The following CNGB1 variants were observed in gnomAD, a reference collection of about 807,000 sequenced individuals.
CNGB1 encodes the protein cyclic nucleotide gated channel subunit beta 1, also known as cyclic nucleotide-gated channel beta-1.
A neutral mutation model predicts 151.7 loss-of-function variants in CNGB1; 126 were observed. The ratio of observed to expected loss-of-function variants is 0.83; its 90% CI spans 0.72 to 0.96. The LOEUF is 0.96. Ranked by LOEUF, CNGB1 falls within the 40% of genes least tolerant of loss-of-function variation. CNGB1 has a pLI of 0.00. For missense variants in CNGB1, 1,698 were observed against 1,627.0 expected (o/e 1.04, Z -0.75); for synonymous variants, 623 against 635.1 (o/e 0.98, Z 0.29).
rs1257060892 is a variant in CNGB1 at position 57,904,631 on chromosome 16, G to C, written c.2634+103C>G. The C allele has an allele frequency of 3.9e-6, 6 of 1,531,030 alleles. No individual in the cohort carries two copies. The African/African-American group carries it at 5.5e-5, about 14-fold the overall frequency. 94.8% of individuals were successfully genotyped at this position (1,531,030 alleles called of 1,614,324 possible). On this transcript the variant is annotated intron_variant, in intron 26 of 32. Coordinates refer to ENST00000251102, the MANE Select transcript of CNGB1 (RefSeq NM_001297.5). ...CTCTCAGTCTAGTGCCCTTTCCCAG[G>C]CTTAATCCAAAAGCAACGGGCACAG...
intron 17 of CNGB1, among the ~76,000 whole-genome samples, chr16:57,923,881 C>T (rs1961116197): frequency 6.6e-6 from 1 of 152,204 alleles, no homozygotes; most frequent in Admixed American, 6.5e-5. Context: ...AATCCAGTCT[C>T]CGCCTTACGG....
chr16:57,952,559 A>G (rs1285596331), intron 12 of CNGB1, among the ~76,000 whole-genome samples: 3 of 130,596 alleles, frequency 2.3e-5, no homozygotes, highest in African/African-American at 3.0e-5. Context: ...CTTGAGTGCA[A>G]TGGTATGATC....
chr16:57,908,704 T>C (rs1432472445), intron 25 of CNGB1, among the ~76,000 whole-genome samples: 1 of 152,156 alleles, frequency 6.6e-6, no homozygotes, highest in Non-Finnish European at 1.5e-5. Flanking sequence ...TCCTCATCCC[T>C]CGTCCCTCAA....
intron 16 of CNGB1, among the ~76,000 whole-genome samples, chr16:57,936,810 C>G (rs375971708): frequency 1.4e-5 from 2 of 139,428 alleles, no homozygotes; most frequent in Non-Finnish European, 3.1e-5. Context: ...AAAAAAAAAA[C>G]AAAAGAAAAG....
chr16:57,889,461 G>A (rs1464456335), intron 31 of CNGB1, among the ~76,000 whole-genome samples: 1 of 152,148 alleles, frequency 6.6e-6, no homozygotes, highest in Non-Finnish European at 1.5e-5. Flanking sequence ...TGTGATCCTG[G>A]AAGTGGGTCC....
intron 2 of CNGB1, among the ~76,000 whole-genome samples, chr16:57,965,066 G>A (rs1009799820): frequency 2.6e-5 from 4 of 152,174 alleles, no homozygotes; most frequent in Non-Finnish European, 5.9e-5. Context: ...GTGCACTTAT[G>A]TGTATGTACA....
At chr16:57,928,748 C>T (rs1339911325) in intron 17 of CNGB1, among the ~76,000 whole-genome samples, 1 of 152,180 alleles carries the variant, frequency 6.6e-6, no homozygotes, top group East Asian at 1.9e-4. Context: ...AACGATTCTC[C>T]TGCCTCAGCC....
At chr16:57,965,094 A>G (rs1962357505) in intron 2 of CNGB1, among the ~76,000 whole-genome samples, 1 of 146,596 alleles carries the variant, frequency 6.8e-6, no homozygotes, top group Non-Finnish European at 1.5e-5. Flanking sequence ...ATACATGCAC[A>G]TACATACACA....
chr16:57,897,706 A>G (rs2149355667), intron 30 of CNGB1, 90 bp downstream of exon 30: 1 of 1,533,598 alleles, frequency 6.5e-7, no homozygotes, highest in East Asian at 2.2e-5. Flanking sequence ...TGCTGCATCT[A>G]CCAAGCCGTA....
intron 31 of CNGB1, among the ~76,000 whole-genome samples, chr16:57,895,229 T>C (rs745661634): frequency 2.0e-5 from 3 of 152,170 alleles, no homozygotes; most frequent in Non-Finnish European, 2.9e-5. Context: ...GCAGATCACC[T>C]GAGGTCAGGA....
chr16:57,888,135 C>T (rs771698334), intron 31 of CNGB1, 61 bp from the exon 32 acceptor site: 21 of 1,521,536 alleles, frequency 1.4e-5, no homozygotes, highest in Admixed American at 3.5e-5. Context: ...GAAAGACTCG[C>T]TTCTGCAGCC....
chr16:57,964,295 G>A, intron 3 of CNGB1, 93 bp from the exon 4 acceptor site: 1 of 1,451,024 alleles, frequency 6.9e-7, no homozygotes, highest in Non-Finnish European at 9.6e-7. Context: ...AGAGGAGAGA[G>A]ACCCCCAGGG....
chr16:57,917,295 C>T lies in CNGB1; in HGVS notation c.2139G>A (p.Leu713=). The change falls in exon 21 of 33, where the codon CTG becomes CTA. Residue 713 remains leucine, a synonymous_variant. Coordinates refer to ENST00000251102, the MANE Select transcript of CNGB1 (RefSeq NM_001297.5). ...FLDITVFQTR[L]QFVRGGDIIT... ...TGATGTCCCCGCCTCTGACAAACTG[C>T]AGGCGTGTCTGGAACACGGTGATGT... 6.2e-7 allele frequency: 1 copy of T among 1,614,098 alleles called. No individual in the cohort carries two copies. Among genetic ancestry groups the T allele is most frequent in the South Asian group, 1.1e-5 (1 of 91,062 alleles).
intron 31 of CNGB1, among the ~76,000 whole-genome samples, chr16:57,893,747 A>G (rs1477921139): frequency 1.3e-5 from 2 of 152,164 alleles, no homozygotes; most frequent in South Asian, 2.1e-4. Flanking sequence ...CAGAGGTTAC[A>G]GTGAGCCAGG....
chr16:57,949,305 C>G, intron 14 of CNGB1, 48 bp downstream of exon 14: 1 of 1,602,330 alleles, frequency 6.2e-7, no homozygotes, highest in Non-Finnish European at 8.5e-7. Context: ...GGAGCTCAGC[C>G]AACCCCAGCC....
At chr16:57,918,126 TA>T (rs1960929364) in intron 20 of CNGB1, among the ~76,000 whole-genome samples, 1 of 150,812 alleles carries the variant, frequency 6.6e-6, no homozygotes. Flanking sequence ...TTTATTTATT[TA>T]TTTATTTATT....
At chr16:57,923,617 T>C (rs1253854258) in intron 17 of CNGB1, among the ~76,000 whole-genome samples, 1 of 152,128 alleles carries the variant, frequency 6.6e-6, no homozygotes, top group East Asian at 1.9e-4. Flanking sequence ...GGCCTAAAGG[T>C]AACAGCATTG....
chr16:57,897,751 C>G (rs1404764477), intron 30 of CNGB1, 45 bp downstream of exon 30: 1 of 1,600,192 alleles, frequency 6.2e-7, no homozygotes, highest in Admixed American at 1.7e-5. Flanking sequence ...CCTTCTTTCC[C>G]AGCCCTTGCC....
chr16:57,893,530 G>A (rs1298879174), intron 31 of CNGB1, among the ~76,000 whole-genome samples: 1 of 152,044 alleles, frequency 6.6e-6, no homozygotes, highest in Non-Finnish European at 1.5e-5. Flanking sequence ...AGGCACAGTG[G>A]CTCACACCTG....
Sources: allele counts gnomAD v4.1 joint callset (sites outside exome capture counted in the v4.1 genomes callset), GRCh38; gene constraint gnomAD v4.1.1; transcripts MANE v1.5; gene names NCBI Gene and HGNC (gene_info 2026-07-23, HGNC 2026-07-21).